Variants in LEO1 observed in about 807,000 individuals in gnomAD.
The protein encoded by LEO1 is LEO1 component of Paf1/RNA polymerase II complex, also known as RNA polymerase-associated protein LEO1.
A neutral mutation model predicts 80.4 loss-of-function variants in LEO1; 34 were observed. That is an observed-to-expected ratio of 0.42 (90% CI 0.32 to 0.56). The LOEUF (loss-of-function observed/expected upper bound fraction) is 0.56. LEO1 is among the 20% of genes least tolerant of loss of function. The probability of loss-of-function intolerance (pLI) is 0.10; values close to 1 mark genes in which losing one functional copy is unlikely to be tolerated. For missense variants in LEO1, 631 were observed against 814.2 expected (o/e 0.77, Z 2.74); for synonymous variants, 262 against 274.9 (o/e 0.95, Z 0.46).
chr15:51,962,041 G>T (rs1297288414), intron 3 of LEO1, among the ~76,000 whole-genome samples: 1 of 151,786 alleles, frequency 6.6e-6, no homozygotes, highest in Non-Finnish European at 1.5e-5. Context: ...GTACGTTCCT[G>T]TAATTCCAGC....
chr15:51,962,486 T>C lies in LEO1; in HGVS notation c.822A>G (p.Ala274=). 1 of 1,608,272 alleles carries C rather than the reference T, an allele frequency of 6.2e-7. No homozygotes were observed. Among genetic ancestry groups the C allele is most frequent in the South Asian group, 1.1e-5 (1 of 90,782 alleles). ...CTTCATCTTCACTATCACTGCCTCT[T>C]GCAGATTCTATAAGGGTAGAATTAG... ...EEEQDHKSES[A]RGSDSEDEVL... The change falls in exon 3 of 12, where the codon GCA becomes GCG. Residue 274 remains alanine, a synonymous_variant. Coordinates refer to ENST00000299601, the MANE Select transcript of LEO1 (RefSeq NM_138792.4).
chr15:51,971,630 C>A (rs2057124057), intron 1 of LEO1, 58 bp downstream of exon 1: 2 of 1,562,936 alleles, frequency 1.3e-6, no homozygotes, highest in African/African-American at 1.4e-5. Flanking sequence ...CACGGTTGTC[C>A]GGCTCCCACA....
Position 51,938,157 on chromosome 15 carries a change from C to T in LEO1, c.2000G>A (p.Ter667=), listed in dbSNP as rs1434195645. Residue 667 remains the stop codon, a stop_retained_variant, in exon 12 of 12, where the codon TGA becomes TAA. Transcript: ENST00000299601. ...TAAAATGTTTTCATATTTCATACTT[C>T]AATCATCATCTTCTTCCTCTTCATC... ...ISDEEEEDDD[*] The T allele has an allele frequency of 2.0e-6, 3 of 1,502,936 alleles. No homozygotes were observed. The highest frequency in any genetic ancestry group is 2.8e-6 in the Non-Finnish European group (3 of 1,083,192). The allele number at this position is 1,502,936 out of a possible 1,614,324, so 93.1% of individuals were successfully genotyped here.
At chr15:51,961,211 C>A (rs545516452) in intron 3 of LEO1, among the ~76,000 whole-genome samples, 1 of 152,050 alleles carries the variant, frequency 6.6e-6, no homozygotes, top group Non-Finnish European at 1.5e-5. Context: ...GGTGAAACCC[C>A]GTCTCTACTA....
In LEO1 at chr15:51,961,395, T is replaced by TGCG. The variant is rs2057029886; in HGVS notation, c.920-663_920-662insCGC. Among the ~76,000 whole-genome samples, 19 of 148,384 alleles carry TGCG rather than the reference T, an allele frequency of 1.3e-4. 1 individual carries two copies. Among genetic ancestry groups the TGCG allele is most frequent in the Admixed American group, 6.7e-4 (10 of 14,986 alleles). On this transcript the variant is annotated intron_variant, in intron 3 of 11. Coordinates refer to ENST00000299601, the MANE Select transcript of LEO1 (RefSeq NM_138792.4). Reference sequence around the variant, plus strand: ...TGGTGGTGGTGGTGGTGGTTGCGGTTGTTGTTGTTGTTTTGAGACAGAGTC... The same window carrying TGCG: ...TGGTGGTGGTGGTGGTGGTTGCGGTTGCGGTTGTTGTTGTTTTGAGACAGAGTC...
intron 1 of LEO1, among the ~76,000 whole-genome samples, chr15:51,968,079 A>G (rs1369662888): frequency 6.6e-6 from 1 of 152,058 alleles, no homozygotes; most frequent in Non-Finnish European, 1.5e-5. Flanking sequence ...ACTACTTGGG[A>G]GGCTGAGGCA....
intron 6 of LEO1, chr15:51,955,195 C>A (rs1402739381): frequency 6.6e-6 from 1 of 152,192 alleles, no homozygotes; most frequent in East Asian, 1.9e-4. Flanking sequence ...GCCTGGGCCT[C>A]CCAAAGTGCT....
intron 11 of LEO1, among the ~76,000 whole-genome samples, chr15:51,939,468 A>G (rs944652487): frequency 6.6e-6 from 1 of 152,326 alleles, no homozygotes; most frequent in Non-Finnish European, 1.5e-5. Flanking sequence ...AATCCACAGT[A>G]AGGTATTTAG....
intron 11 of LEO1, among the ~76,000 whole-genome samples, chr15:51,946,047 A>C (rs1566880409): frequency 1.3e-5 from 2 of 152,086 alleles, no homozygotes; most frequent in African/African-American, 2.4e-5. Context: ...AAAAAAGAAA[A>C]AGAAAAATTC....
At chr15:51,950,072 T>C in intron 9 of LEO1, 78 bp from the exon 10 acceptor site, 1 of 1,160,268 alleles carries the variant, frequency 8.6e-7, no homozygotes, top group Non-Finnish European at 1.2e-6. Flanking sequence ...TTATTACAAA[T>C]AGCATGTAAT....
In LEO1 at chr15:51,949,305, A is replaced by G. The variant is rs1595934759; in HGVS notation, c.1798+503T>C. On this transcript the variant is annotated intron_variant, in intron 10 of 11. Transcript: ENST00000299601. ...TGGCAAATTCTCAAGTCAGAAAGCAAAAGCTCAAGGGATAAAACCCAAAGT... is the reference window on the plus strand; with the variant it reads ...TGGCAAATTCTCAAGTCAGAAAGCAGAAGCTCAAGGGATAAAACCCAAAGT... Among the ~76,000 whole-genome samples, 3 of 152,234 alleles carry G rather than the reference A, an allele frequency of 2.0e-5. No individual in the cohort carries two copies. The East Asian group carries it at 5.8e-4, about 29-fold the overall frequency.
chr15:51,962,830 T>G (rs1212240228), intron 2 of LEO1, among the ~76,000 whole-genome samples: 1 of 152,108 alleles, frequency 6.6e-6, no homozygotes, highest in South Asian at 2.1e-4. Context: ...TAAGGGAGTT[T>G]TTCAGTGTGA....
intron 2 of LEO1, among the ~76,000 whole-genome samples, chr15:51,964,547 T>TTA (rs1555393669): frequency 1.4e-5 from 2 of 140,908 alleles, no homozygotes; most frequent in African/African-American, 5.2e-5. Context: ...CTTAAAGTGT[T>TTA]AAAAAAAAAA....
intron 3 of LEO1, among the ~76,000 whole-genome samples, chr15:51,961,235 T>G (rs2057027728): frequency 6.6e-6 from 1 of 151,956 alleles, no homozygotes; most frequent in South Asian, 2.1e-4. Context: ...ATACAAAAAC[T>G]AGCTGGGCTT....
Position 51,953,206 on chromosome 15 carries a change from GC to G in LEO1, c.1397del (p.Gly466AlafsTer8). On this transcript the variant is annotated frameshift_variant, in exon 8 of 12. Coordinates refer to ENST00000299601, the MANE Select transcript of LEO1 (RefSeq NM_138792.4). LOFTEE classifies it high-confidence loss of function. The part of the protein sequence containing the change: ...VFDVYKAPLQ[G>X]DHNHLFIRQG... ...GTCTTATAAAAAGATGATTGTGGTC[GC>G]CCTGCAGTGGGGCTTTGTACACATC... 1 of 1,613,796 alleles carries G rather than the reference GC, an allele frequency of 6.2e-7. No homozygotes were observed. The highest frequency in any genetic ancestry group is 2.2e-5 in the East Asian group (1 of 44,888).
intron 11 of LEO1, among the ~76,000 whole-genome samples, chr15:51,943,683 G>C (rs2056875183): frequency 7.0e-6 from 1 of 142,964 alleles, no homozygotes; most frequent in Middle Eastern, 3.7e-3. Flanking sequence ...CTGGGCAACA[G>C]AGTGAGACCC....
Position 51,965,884 on chromosome 15 carries a change from G to T in LEO1, c.679C>A (p.Gln227Lys). The change falls in exon 2 of 12, where the codon CAG (glutamine) becomes AAG (lysine). Residue 227 changes from glutamine to lysine, a missense_variant. Gln to Lys is a moderately conservative substitution (Grantham distance 53). This residue lies in a region of LEO1 where 394 missense variants were observed against 395.6 expected (regional missense o/e 1.00). Transcript: ENST00000299601. ...GGTTGTTCTTCATCATCAGAATTCTGTTTCTCATCATCATTATCAGAAGCT... is the reference window on the plus strand; with the variant it reads ...GGTTGTTCTTCATCATCAGAATTCTTTTTCTCATCATCATTATCAGAAGCT... Reference protein sequence around the residue: ...PVASDNDDEKQNSDDEEQPQL... With the variant: ...PVASDNDDEKKNSDDEEQPQL... The T allele has an allele frequency of 6.2e-7, 1 of 1,614,024 alleles. No homozygotes were observed. Among genetic ancestry groups the T allele is most frequent in the Non-Finnish European group, 8.5e-7 (1 of 1,180,008 alleles).
chr15:51,943,304 G>A (rs1446315647), intron 11 of LEO1, among the ~76,000 whole-genome samples: 11 of 151,032 alleles, frequency 7.3e-5, no homozygotes, highest in Non-Finnish European at 1.0e-4. Context: ...GCTTGAATTC[G>A]GGAGGCGGAA....
chr15:51,950,108 G>T, intron 9 of LEO1, 114 bp from the exon 10 acceptor site: 3 of 931,002 alleles, frequency 3.2e-6, no homozygotes, highest in Non-Finnish European at 3.1e-6. Context: ...CAGCTGTGCC[G>T]TGTGTGTTCC....
Sources: allele counts gnomAD v4.1 joint callset (sites outside exome capture counted in the v4.1 genomes callset), GRCh38; gene constraint gnomAD v4.1.1; regional missense constraint gnomAD v4.1.1; transcripts MANE v1.5; gene names NCBI Gene and HGNC (gene_info 2026-07-23, HGNC 2026-07-21).